ABHD6: variants seen among roughly 807,000 people sequenced by gnomAD.
ABHD6 encodes abhydrolase domain containing 6, acylglycerol lipase.
A neutral mutation model predicts 38.8 loss-of-function variants in ABHD6; 33 were observed. The observed-to-expected ratio is 0.85, with a 90% CI of 0.64 to 1.14. ABHD6 has a LOEUF of 1.14. ABHD6 is among the 50% of genes most tolerant of loss of function. ABHD6 has a pLI of 0.00. For synonymous variants in ABHD6, 147 were observed against 161.6 expected (o/e 0.91, Z 0.69); for missense variants, 380 against 422.6 (o/e 0.90, Z 0.88).
In ABHD6 at chr3:58,282,299, T is replaced by C. The variant is rs374862556; in HGVS notation, c.682-2786T>C. ...GGAACAGAGGAACCCATTTGGGAACTATTGTGCCTTGGAGATGATGGTGGT... is the reference window on the plus strand; with the variant it reads ...GGAACAGAGGAACCCATTTGGGAACCATTGTGCCTTGGAGATGATGGTGGT... On this transcript the variant is annotated intron_variant, in intron 7 of 9. Transcript: ENST00000478253. 2.8e-4 allele frequency among the ~76,000 whole-genome samples: 42 copies of C among 152,220 alleles called. No individual in the cohort carries two copies. The South Asian group carries it at 3.7e-3, about 14-fold the overall frequency.
chr3:58,247,480 T>C (rs2097427216), intron 1 of ABHD6, among the ~76,000 whole-genome samples: 1 of 152,272 alleles, frequency 6.6e-6, no homozygotes, highest in Non-Finnish European at 1.5e-5. Context: ...AATTTAATTT[T>C]AAGCAGCCAC....
intron 3 of ABHD6, among the ~76,000 whole-genome samples, chr3:58,262,357 G>A (rs920971427): frequency 3.9e-5 from 6 of 152,208 alleles, no homozygotes; most frequent in South Asian, 2.1e-4. Flanking sequence ...AAATCTGTAA[G>A]TACTTTTCTT....
Position 58,271,072 on chromosome 3 carries a change from A to C in ABHD6, c.523+8A>C. The C allele has an allele frequency of 1.3e-6, 2 of 1,587,964 alleles. No homozygotes were observed. Among genetic ancestry groups the C allele is most frequent in the Non-Finnish European group, 8.5e-7 (1 of 1,170,448 alleles). Reference sequence around the variant, plus strand: ...GTCTCGTGTGTCCTGCTGGTAAGTTATGAAGCTGAAACATCCCTCGGCAGG... The same window carrying C: ...GTCTCGTGTGTCCTGCTGGTAAGTTCTGAAGCTGAAACATCCCTCGGCAGG... On this transcript the variant is annotated splice_region_variant and intron_variant, in intron 6 of 9. Transcript: ENST00000478253.
intron 1 of ABHD6, among the ~76,000 whole-genome samples, chr3:58,245,821 G>GAA (rs1338567510): frequency 2.4e-4 from 20 of 81,992 alleles, no homozygotes; most frequent in African/African-American, 1.3e-3. Context: ...AAGAAAGAAA[G>GAA]AAAGAAAAAG....
intron 7 of ABHD6, among the ~76,000 whole-genome samples, chr3:58,283,081 C>T (rs1310482663): frequency 6.6e-6 from 1 of 152,172 alleles, no homozygotes; most frequent in Non-Finnish European, 1.5e-5. Context: ...GGCAGGTCCT[C>T]CTAAGACTTG....
intron 2 of ABHD6, among the ~76,000 whole-genome samples, chr3:58,252,166 C>T (rs2097430368): frequency 6.6e-6 from 1 of 150,836 alleles, no homozygotes; most frequent in Non-Finnish European, 1.5e-5. Flanking sequence ...CAAGGATGAC[C>T]ATCACGATTT....
intron 7 of ABHD6, among the ~76,000 whole-genome samples, chr3:58,275,519 G>A (rs1419505758): frequency 6.6e-6 from 1 of 151,840 alleles, no homozygotes; most frequent in East Asian, 1.9e-4. Context: ...AGTAGAGATG[G>A]GGTTTCACCA....
chr3:58,271,064 G>A lies in ABHD6; in HGVS notation c.523G>A (p.Gly175Ser). 5 of 1,594,546 alleles carry A rather than the reference G, an allele frequency of 3.1e-6. No individual in the cohort carries two copies. Among genetic ancestry groups the A allele is most frequent in the Non-Finnish European group, 4.3e-6 (5 of 1,173,466 alleles). The change falls in exon 6 of 10, where the codon GGC becomes AGC. Residue 175 changes from glycine to serine, a missense_variant and splice_region_variant. Coordinates refer to ENST00000478253, the MANE Select transcript of ABHD6 (RefSeq NM_001320126.2). The stretch of plus-strand genomic sequence containing the variant: ...CAGCCTGTGTCTCGTGTGTCCTGCT[G>A]GTAAGTTATGAAGCTGAAACATCCC... ...VSSLCLVCPA[G>S]LQYSTDNQFV...
chr3:58,293,600 G>A lies in ABHD6; in HGVS notation c.849G>A (p.Val283=), dbSNP rs1559787121. The stretch of plus-strand genomic sequence containing the variant: ...TTCTTGCCCAGCAGGTGCTGGATGT[G>A]TCTGGGGCAGACATGTTGGCCAAGT... ...IWGKQDQVLD[V]SGADMLAKSI... The change falls in exon 10 of 10, where the codon GTG becomes GTA. Residue 283 remains valine (V), a synonymous_variant. Transcript: ENST00000478253. This position sits in a 1 kb window ranked among gnomAD's most constrained non-coding sequence, Gnocchi z 4.4. 6.2e-7 allele frequency: 1 copy of A among 1,614,092 alleles called. No homozygotes were observed. The highest frequency in any genetic ancestry group is 1.3e-5 in the African/African-American group (1 of 75,046).
rs2097420544 is a variant in ABHD6 at position 58,238,379 on chromosome 3, A to G, written c.-91+463A>G. ...CACGCGCCGCCTCCGCGCCGTCCCC[A>G]AGATCTCGCTCCGCTACTCCCCTCC... is the stretch of plus-strand genomic sequence containing the variant. On this transcript the variant is annotated intron_variant, in intron 1 of 9. Coordinates refer to ENST00000478253, the MANE Select transcript of ABHD6 (RefSeq NM_001320126.2). The surrounding 1 kb of genome is among the most constrained non-coding windows in gnomAD (Gnocchi z 6.9). 1 of 149,852 alleles carries G rather than the reference A, an allele frequency of 6.7e-6. No homozygotes were observed. The highest frequency in any genetic ancestry group is 2.5e-5 in the African/African-American group (1 of 40,534). 9.3% of individuals were successfully genotyped at this position (149,852 alleles called of 1,614,324 possible). A position where few individuals can be genotyped will look rare whatever the true frequency, so the allele number is the denominator to read the frequency against.
At chr3:58,272,401 T>C (rs1384514791) in intron 6 of ABHD6, among the ~76,000 whole-genome samples, 1 of 152,188 alleles carries the variant, frequency 6.6e-6, no homozygotes, top group Non-Finnish European at 1.5e-5. Flanking sequence ...TCTGTATGAT[T>C]CAACTAGAAT....
chr3:58,270,884 A>G (rs201391479), intron 5 of ABHD6, 48 bp from the exon 6 acceptor site: 174 of 1,539,824 alleles, frequency 1.1e-4, no homozygotes, highest in Middle Eastern at 1.8e-4. Flanking sequence ...CACCATTGCC[A>G]TTGTCTACAG....
rs761922395 is a variant in ABHD6, at chr3:58,293,717, CTT to C, written c.970_971del (p.Leu324SerfsTer90). ...PRKTAKLIIDFLASVHNTDNN... is the reference protein window; with the variant it reads ...PRKTAKLIIDXLASVHNTDNN... Reference sequence around the variant, plus strand: ...GGAAGACAGCCAAGCTCATAATCGACTTTTTAGCTTCTGTGCACAACACAGAC... The same window carrying C: ...GGAAGACAGCCAAGCTCATAATCGACTTTAGCTTCTGTGCACAACACAGAC... On this transcript the variant is annotated frameshift_variant, in exon 10 of 10. Transcript: ENST00000478253. LOFTEE classifies it high-confidence loss of function. The surrounding 1 kb of genome is among the most constrained non-coding windows in gnomAD (Gnocchi z 4.4). 2.5e-6 allele frequency: 4 copies of C among 1,614,234 alleles called. No individual in the cohort carries two copies. The East Asian group carries it at 8.9e-5, about 36-fold the overall frequency.
In ABHD6 at chr3:58,293,213, G is replaced by C. The variant is rs999233482; in HGVS notation, c.838-376G>C. 1.3e-5 allele frequency among the ~76,000 whole-genome samples: 2 copies of C among 152,052 alleles called. No individual in the cohort carries two copies. Among genetic ancestry groups the C allele is most frequent in the East Asian group, 3.9e-4 (2 of 5,176 alleles). On this transcript the variant is annotated intron_variant, in intron 9 of 9. Coordinates refer to ENST00000478253, the MANE Select transcript of ABHD6 (RefSeq NM_001320126.2). This position sits in a 1 kb window ranked among gnomAD's most constrained non-coding sequence, Gnocchi z 4.4. ...CTGTGCCATTCCCACATCCGTGAAT[G>C]CTCCTCCCCTGTCCCCTTTCTGCTC...
chr3:58,273,767 G>A lies in ABHD6; in HGVS notation c.524-891G>A, dbSNP rs184400697. On this transcript the variant is annotated intron_variant, in intron 6 of 9. Transcript: ENST00000478253. The surrounding 1 kb of genome is among the most constrained non-coding windows in gnomAD (Gnocchi z 4.8). The stretch of plus-strand genomic sequence containing the variant: ...GAGGGAGAGCATTAGGACAAATGCC[G>A]AATGCATGAGGGACTTAAAACCTAG... 2.0e-4 allele frequency among the ~76,000 whole-genome samples: 30 copies of A among 152,130 alleles called. No homozygotes were observed. Among genetic ancestry groups the A allele is most frequent in the African/African-American group, 3.1e-4 (13 of 41,490 alleles).
chr3:58,285,285 C>A lies in ABHD6; in HGVS notation c.737-68C>A. 6.4e-7 allele frequency: 1 copy of A among 1,558,594 alleles called. No homozygotes were observed. The highest frequency in any genetic ancestry group is 8.8e-7 in the Non-Finnish European group (1 of 1,129,966). ...GGTGGCCTGGATCTGGTGACTATCC[C>A]TTGATTCTGCGGTGGTGCCACAGGC... is the stretch of plus-strand genomic sequence containing the variant. On this transcript the variant is annotated intron_variant, in intron 8 of 9. Transcript: ENST00000478253. The surrounding 1 kb of genome is among the most constrained non-coding windows in gnomAD (Gnocchi z 4.9).
intron 9 of ABHD6, among the ~76,000 whole-genome samples, chr3:58,291,055 C>T (rs1200679312): frequency 6.7e-6 from 1 of 149,952 alleles, no homozygotes; most frequent in African/African-American, 2.5e-5. Flanking sequence ...TGTAGCGAGC[C>T]GAGATCACAC....
chr3:58,274,524 A>G (rs2107459945), intron 6 of ABHD6, 134 bp from the exon 7 acceptor site: 1 of 950,956 alleles, frequency 1.1e-6, no homozygotes, highest in Admixed American at 3.0e-5. Flanking sequence ...GGCAGTACCA[A>G]CAAAAAAGAA....
In ABHD6 at chr3:58,287,231, C is replaced by T. The variant is rs2097458153; in HGVS notation, c.837+1778C>T. The stretch of plus-strand genomic sequence containing the variant: ...TCCAGGACATGGAGGTGGCAGTGAG[C>T]CGTGATTGCTTCACTGCACACCAGC... On this transcript the variant is annotated intron_variant, in intron 9 of 9. Transcript: ENST00000478253. The surrounding 1 kb of genome is among the most constrained non-coding windows in gnomAD (Gnocchi z 4.7). Among the ~76,000 whole-genome samples, 1 of 152,108 alleles carries T rather than the reference C, an allele frequency of 6.6e-6. No homozygotes were observed. The highest frequency in any genetic ancestry group is 2.4e-5 in the African/African-American group (1 of 41,416).
Sources: allele counts gnomAD v4.1 joint callset (sites outside exome capture counted in the v4.1 genomes callset), GRCh38; gene constraint gnomAD v4.1.1; non-coding constraint Gnocchi (gnomAD v3.1); transcripts MANE v1.5; gene names NCBI Gene and HGNC (gene_info 2026-07-23, HGNC 2026-07-21).